UBR2: variants seen among roughly 807,000 people sequenced by gnomAD.
UBR2 encodes the protein ubiquitin protein ligase E3 component n-recognin 2.
A neutral mutation model predicts 247.9 loss-of-function variants in UBR2; 92 were observed. The ratio of observed to expected loss-of-function variants is 0.37; its 90% CI spans 0.31 to 0.44. The LOEUF (loss-of-function observed/expected upper bound fraction) is 0.44. UBR2 is among the 20% of genes least tolerant of loss of function. UBR2 has a pLI of 1.00. For missense variants in UBR2, 1,613 were observed against 2,112.6 expected (o/e 0.76, Z 4.64); for synonymous variants, 672 against 693.5 (o/e 0.97, Z 0.49).
intron 43 of UBR2, among the ~76,000 whole-genome samples, chr6:42,683,899 T>C (rs915629339): frequency 1.2e-4 from 18 of 152,220 alleles, no homozygotes; most frequent in Non-Finnish European, 1.0e-4. Context: ...GCATCTCAGA[T>C]AAGGGATACT....
chr6:42,615,774 G>A (rs2151939368), intron 9 of UBR2, among the ~76,000 whole-genome samples: 1 of 151,140 alleles, frequency 6.6e-6, no homozygotes, highest in East Asian at 1.9e-4. Context: ...AAAATGCTGT[G>A]TTGGCTGGGC....
At chr6:42,578,346 A>G (rs1399053953) in intron 2 of UBR2, among the ~76,000 whole-genome samples, 1 of 152,182 alleles carries the variant, frequency 6.6e-6, no homozygotes, top group Non-Finnish European at 1.5e-5. Flanking sequence ...GCTTTGTCTC[A>G]GAAATTATGA....
chr6:42,658,047 T>C lies in UBR2; in HGVS notation c.2896T>C (p.Ser966Pro). Residue 966 changes from serine to proline, a missense_variant, in exon 27 of 47, where the codon TCT (serine) becomes CCT (proline). Ser to Pro is a moderately conservative substitution (Grantham distance 74). This residue lies in a region of UBR2 where 1,524 missense variants were observed against 1,967.3 expected (regional missense o/e 0.77). Transcript: ENST00000372901. ...AGAACCTGGTGAAGCGCCAAAAAAT[T>C]CTCCTAGCATACTAGCTATGCTGGA... ...ISKPGEAPKN[S>P]PSILAMLETL... 6.2e-7 allele frequency: 1 copy of C among 1,613,828 alleles called. No individual in the cohort carries two copies. The highest frequency in any genetic ancestry group is 8.5e-7 in the Non-Finnish European group (1 of 1,179,862).
At position 42,636,674 on chromosome 6, in the gene UBR2, C is replaced by T. The variant is rs554524747; in HGVS notation, c.1675-337C>T. 1.3e-4 allele frequency among the ~76,000 whole-genome samples: 20 copies of T among 152,228 alleles called. No homozygotes were observed. The South Asian group carries it at 4.2e-3, about 32-fold the overall frequency. ...AAAGCAGGAATTTAATAGAGAGACG[C>T]TTGGCAATGCCTTGGAGTTACTAGA... On this transcript the variant is annotated intron_variant, in intron 14 of 46. Coordinates refer to ENST00000372901, the MANE Select transcript of UBR2 (RefSeq NM_001363705.2).
chr6:42,670,343 C>T (rs1470086016), intron 35 of UBR2, 103 bp downstream of exon 35: 26 of 1,390,802 alleles, frequency 1.9e-5, no homozygotes, highest in East Asian at 2.3e-5. Context: ...TGGGTAACAA[C>T]GTGAAGAAAT....
chr6:42,617,281 C>T (rs79140595), intron 10 of UBR2, 128 bp from the exon 11 acceptor site: 24 of 1,614,120 alleles, frequency 1.5e-5, no homozygotes, highest in Middle Eastern at 1.6e-4. Context: ...AGGATGATCA[C>T]GAGCGAGCAG....
chr6:42,572,377 G>A (rs951974642), intron 1 of UBR2, among the ~76,000 whole-genome samples: 3 of 151,332 alleles, frequency 2.0e-5, no homozygotes, highest in Non-Finnish European at 2.9e-5. Context: ...TAGAAGGAGT[G>A]GTCTGAAGAA....
At chr6:42,639,525 G>A (rs1250138290) in intron 15 of UBR2, among the ~76,000 whole-genome samples, 3 of 152,212 alleles carry the variant, frequency 2.0e-5, no homozygotes, top group Non-Finnish European at 4.4e-5. Context: ...TTGAACCTGG[G>A]AGGCAGAGGT....
intron 38 of UBR2, 71 bp from the exon 39 acceptor site, chr6:42,675,985 T>C: frequency 6.7e-7 from 1 of 1,500,786 alleles, no homozygotes; most frequent in Non-Finnish European, 8.9e-7. Context: ...AAAGTAAAAG[T>C]AAGAAGATGG....
intron 25 of UBR2, among the ~76,000 whole-genome samples, chr6:42,653,217 T>C (rs1797222638): frequency 6.6e-6 from 1 of 152,166 alleles, no homozygotes; most frequent in African/African-American, 2.4e-5. Flanking sequence ...CCCAAGTACC[T>C]GGGATTACAG....
chr6:42,592,175 T>C lies in UBR2; in HGVS notation c.363T>C (p.Cys121=). ...SCRDCAVDPT[C]VLCMECFLGS... ...GAGACTGTGCAGTTGATCCAACTTG[T>C]GTTTTGTGCATGGAGTGCTTTTTGG... is the stretch of plus-strand genomic sequence containing the variant. The change falls in exon 3 of 47, where the codon TGT becomes TGC. Residue 121 remains cysteine, a synonymous_variant. Transcript: ENST00000372901. 6.2e-7 allele frequency: 1 copy of C among 1,603,184 alleles called. No homozygotes were observed. The highest frequency in any genetic ancestry group is 1.4e-5 in the African/African-American group (1 of 74,006).
In UBR2 at chr6:42,605,838, T is replaced by C. The variant is rs1277521565; in HGVS notation, c.780T>C (p.Phe260=). ...VNCTQKEAIG[F]ATTVDRDGRR... is the part of the protein sequence containing the mutation. Reference sequence around the variant, plus strand: ...GTACACAAAAAGAAGCTATTGGTTTTGCAACTACAGTAGATCGAGATGTAA... The same window carrying C: ...GTACACAAAAAGAAGCTATTGGTTTCGCAACTACAGTAGATCGAGATGTAA... The change falls in exon 6 of 47, where the codon TTT becomes TTC. Residue 260 remains phenylalanine (F), a synonymous_variant. Transcript: ENST00000372901. 8 of 1,610,642 alleles carry C rather than the reference T, an allele frequency of 5.0e-6. No homozygotes were observed. Among genetic ancestry groups the C allele is most frequent in the African/African-American group, 1.3e-5 (1 of 74,780 alleles).
At chr6:42,639,959 C>A (rs1220490128) in intron 15 of UBR2, among the ~76,000 whole-genome samples, 1 of 152,080 alleles carries the variant, frequency 6.6e-6, no homozygotes, top group Non-Finnish European at 1.5e-5. Context: ...ACCCGGGAGG[C>A]GGAGCTTGCA....
chr6:42,678,420 TCA>T, intron 40 of UBR2, 117 bp from the exon 41 acceptor site: 1 of 1,140,024 alleles, frequency 8.8e-7, no homozygotes. Context: ...GCCTGTTAAC[TCA>T]CAACTTTTAA....
Position 42,648,173 on chromosome 6 carries a change from G to A in UBR2, c.2462+3G>A. The A allele has an allele frequency of 6.2e-7, 1 of 1,612,642 alleles. No individual in the cohort carries two copies. The highest frequency in any genetic ancestry group is 8.5e-7 in the Non-Finnish European group (1 of 1,178,690). Reference sequence around the variant, plus strand: ...ATCGAAGCAGTTGCCCATTTCAAGTGAGTTTACTTCCTATTATTTCACATT... The same window carrying A: ...ATCGAAGCAGTTGCCCATTTCAAGTAAGTTTACTTCCTATTATTTCACATT... On this transcript the variant is annotated splice_donor_region_variant and intron_variant, in intron 22 of 46. Coordinates refer to ENST00000372901, the MANE Select transcript of UBR2 (RefSeq NM_001363705.2).
intron 4 of UBR2, among the ~76,000 whole-genome samples, chr6:42,600,277 A>G (rs1184257477): frequency 6.6e-6 from 1 of 152,234 alleles, no homozygotes; most frequent in Admixed American, 6.5e-5. Flanking sequence ...GCATTCTTCT[A>G]GCTTGAAAGA....
intron 25 of UBR2, among the ~76,000 whole-genome samples, chr6:42,653,194 GC>G: frequency 6.6e-6 from 1 of 151,864 alleles, no homozygotes; most frequent in East Asian, 1.9e-4. Flanking sequence ...AAGTGATCCC[GC>G]CACCTCAGTA....
At chr6:42,675,232 G>A (rs1020151918) in intron 38 of UBR2, among the ~76,000 whole-genome samples, 2 of 152,170 alleles carry the variant, frequency 1.3e-5, no homozygotes, top group African/African-American at 4.8e-5. Flanking sequence ...GACAGCAGGA[G>A]GCCAACAGAG....
chr6:42,653,921 C>G (rs1430072411), intron 25 of UBR2, among the ~76,000 whole-genome samples: 1 of 151,918 alleles, frequency 6.6e-6, no homozygotes, highest in Non-Finnish European at 1.5e-5. Flanking sequence ...CCTGGCCATG[C>G]TAAGCACTCT....
Sources: gnomAD v4.1 joint callset for allele counts (sites outside exome capture counted in the v4.1 genomes callset) on GRCh38, gnomAD v4.1.1 for gene constraint, gnomAD v4.1.1 regional missense constraint, MANE v1.5 for transcripts, NCBI Gene and HGNC (gene_info 2026-07-23, HGNC 2026-07-21) for gene names.